Variants in AMBP observed in about 807,000 individuals in gnomAD.
AMBP encodes the protein protein AMBP.
AMBP carries 37 observed loss-of-function variants against 46.3 expected under a neutral mutation model. The observed-to-expected ratio is 0.80, with a 90% CI of 0.61 to 1.05. AMBP has a LOEUF of 1.05. Ranked by LOEUF, AMBP falls within the 50% of genes least tolerant of loss-of-function variation. The pLI is 0.00. For missense variants in AMBP, 475 were observed against 461.2 expected, an observed-to-expected ratio of 1.03 and a Z score of -0.27; for synonymous variants, 174 against 175.9, an observed-to-expected ratio of 0.99 and a Z score of 0.09.
chr9:114,062,480 C>T (rs769943281), intron 7 of AMBP, among the ~76,000 whole-genome samples, 197 bp downstream of exon 7: 5 of 152,212 alleles, frequency 3.3e-5, no homozygotes, highest in African/African-American at 4.8e-5. Flanking sequence ...AAGCCCAGGA[C>T]GATGCCTCAT....
intron 1 of AMBP, among the ~76,000 whole-genome samples, chr9:114,077,066 G>A (rs1170632268): frequency 1.3e-5 from 2 of 152,172 alleles, no homozygotes; most frequent in East Asian, 3.9e-4. Flanking sequence ...CTCCCCAAGA[G>A]CTGGAGTCCT....
chr9:114,077,857 C>A (rs1846830314), intron 1 of AMBP, among the ~76,000 whole-genome samples: 1 of 152,236 alleles, frequency 6.6e-6, no homozygotes, highest in South Asian at 2.1e-4. Context: ...CACAAGGGTT[C>A]CCCTTGGAGC....
At chr9:114,060,326 G>A in intron 9 of AMBP, 56 bp from the exon 10 acceptor site, 1 of 1,595,352 alleles carries the variant, frequency 6.3e-7, no homozygotes, top group South Asian at 1.1e-5. Context: ...CTCAGGGAAG[G>A]GAAAGCAGCT....
intron 6 of AMBP, among the ~76,000 whole-genome samples, chr9:114,066,644 G>A (rs777754474): frequency 2.0e-5 from 3 of 152,074 alleles, no homozygotes; most frequent in Admixed American, 1.3e-4. Context: ...ATGAAATGAC[G>A]GTCTGCACAA....
chr9:114,067,982 G>A (rs1457152125), intron 6 of AMBP, among the ~76,000 whole-genome samples: 1 of 152,180 alleles, frequency 6.6e-6, no homozygotes, highest in Admixed American at 6.5e-5. Flanking sequence ...GGTAAGAACA[G>A]AATCCACTAA....
At chr9:114,077,051 CA>C (rs759137471) in intron 1 of AMBP, among the ~76,000 whole-genome samples, 1 of 152,168 alleles carries the variant, frequency 6.6e-6, no homozygotes, top group Non-Finnish European at 1.5e-5. Flanking sequence ...CTCCATCAAC[CA>C]CTGCTCCCCA....
intron 7 of AMBP, 73 bp from the exon 8 acceptor site, chr9:114,061,664 T>G: frequency 2.1e-6 from 3 of 1,437,448 alleles, no homozygotes; most frequent in Non-Finnish European, 2.8e-6. Flanking sequence ...GCACTTGATA[T>G]GCGCCATCTC....
intron 2 of AMBP, 36 bp downstream of exon 2, chr9:114,076,562 T>G (rs193095520): frequency 1.3e-5 from 21 of 1,606,058 alleles, no homozygotes; most frequent in Non-Finnish European, 1.8e-5. Context: ...GGTCTCTGGG[T>G]CTCTCTCAGC....
intron 3 of AMBP, 40 bp downstream of exon 3, chr9:114,074,920 C>G: frequency 3.2e-6 from 5 of 1,573,432 alleles, no homozygotes; most frequent in Non-Finnish European, 4.4e-6. Context: ...TATTTTCAAG[C>G]AAAGGAGAGA....
chr9:114,063,731 C>T (rs1846664676), intron 6 of AMBP, among the ~76,000 whole-genome samples: 3 of 152,072 alleles, frequency 2.0e-5, no homozygotes, highest in African/African-American at 7.2e-5. Flanking sequence ...GACATACATC[C>T]ATATAACAGG....
intron 9 of AMBP, 30 bp from the exon 10 acceptor site, chr9:114,060,300 T>C (rs759596475): frequency 1.2e-6 from 2 of 1,610,472 alleles, no homozygotes; most frequent in East Asian, 4.5e-5. Flanking sequence ...CAGGGAGGGG[T>C]CCGTAGGCAG....
At chr9:114,065,298 T>A (rs563789374) in intron 6 of AMBP, among the ~76,000 whole-genome samples, 4 of 152,334 alleles carry the variant, frequency 2.6e-5, no homozygotes, top group South Asian at 4.1e-4. Context: ...ATATGAGTGG[T>A]GTCCTTATAA....
intron 6 of AMBP, among the ~76,000 whole-genome samples, chr9:114,066,120 C>T (rs1846690729): frequency 6.6e-6 from 1 of 152,174 alleles, no homozygotes; most frequent in South Asian, 2.1e-4. Flanking sequence ...TATTAGGGCT[C>T]AGCCCCTTTG....
chr9:114,060,199 C>G lies in AMBP; in HGVS notation c.*40G>C. 1 of 1,602,404 alleles carries G rather than the reference C, an allele frequency of 6.2e-7. No homozygotes were observed. Among genetic ancestry groups the G allele is most frequent in the Non-Finnish European group, 8.5e-7 (1 of 1,172,958 alleles). ...CGCTGCCTGCCACAGGACCCCGGGA[C>G]AGACACTGGCCATCCTCTGACTTGC... On this transcript the variant is annotated 3_prime_UTR_variant, in exon 10 of 10. Transcript: ENST00000265132.
intron 7 of AMBP, among the ~76,000 whole-genome samples, chr9:114,061,856 C>A (rs1486919110): frequency 6.6e-6 from 1 of 152,108 alleles, no homozygotes; most frequent in Non-Finnish European, 1.5e-5. Context: ...CACTGTCCCC[C>A]TGTATTGGTC....
At position 114,076,745 on chromosome 9, in the gene AMBP, G is replaced by A; in HGVS notation, c.118-5C>T. ...GTTGTACCACTTCCCATAGATCTAGGAGGCAGGTGAGCTCTGGGGGTCTGC... is the reference window on the plus strand; with the variant it reads ...GTTGTACCACTTCCCATAGATCTAGAAGGCAGGTGAGCTCTGGGGGTCTGC... On this transcript the variant is annotated splice_polypyrimidine_tract_variant and splice_region_variant and intron_variant, in intron 1 of 9. Coordinates refer to ENST00000265132, the MANE Select transcript of AMBP (RefSeq NM_001633.4). 2 of 1,613,806 alleles carry A rather than the reference G, an allele frequency of 1.2e-6. No homozygotes were observed. Among genetic ancestry groups the A allele is most frequent in the Non-Finnish European group, 1.7e-6 (2 of 1,179,832 alleles).
At chr9:114,061,930 G>T (rs545324458) in intron 7 of AMBP, among the ~76,000 whole-genome samples, 2 of 152,150 alleles carry the variant, frequency 1.3e-5, no homozygotes, top group Non-Finnish European at 2.9e-5. Flanking sequence ...ACACTGGCCA[G>T]CCTGACCTTT....
intron 8 of AMBP, 27 bp downstream of exon 8, chr9:114,061,397 C>T (rs753195053): frequency 7.1e-5 from 115 of 1,613,570 alleles, no homozygotes; most frequent in Non-Finnish European, 8.6e-5. Context: ...GGGTGCAGAG[C>T]GCACAGGGGT....
chr9:114,061,177 AGGGCC>A, intron 8 of AMBP, 79 bp from the exon 9 acceptor site: 1 of 1,531,188 alleles, frequency 6.5e-7, no homozygotes, highest in South Asian at 1.2e-5. Context: ...GCTGAGCCAG[AGGGCC>A]CTGCTCATCT....
Sources: gnomAD v4.1 joint callset for allele counts (sites outside exome capture counted in the v4.1 genomes callset) on GRCh38, gnomAD v4.1.1 for gene constraint, MANE v1.5 for transcripts, NCBI Gene and HGNC (gene_info 2026-07-23, HGNC 2026-07-21) for gene names.